SPAG16: variants seen among roughly 807,000 people sequenced by gnomAD.
The protein encoded by SPAG16 is sperm-associated antigen 16 protein.
In SPAG16, 86 loss-of-function variants were observed where a neutral mutation model predicts 80.4. The observed-to-expected ratio is 1.07, with a 90% CI of 0.90 to 1.28. SPAG16 has a LOEUF of 1.28. Among genes scored for constraint, SPAG16 ranks in the 50% most tolerant of loss-of-function variants. The pLI is 0.00. For synonymous variants in SPAG16, 294 were observed against 265.9 expected, an observed-to-expected ratio of 1.11 and a Z score of -1.03; for missense variants, 870 against 765.3, an observed-to-expected ratio of 1.14 and a Z score of -1.61.
intron 12 of SPAG16, among the ~76,000 whole-genome samples, chr2:213,997,612 A>G (rs918570274): frequency 6.6e-6 from 1 of 152,212 alleles, no homozygotes; most frequent in African/African-American, 2.4e-5. Flanking sequence ...TCATTCAAAC[A>G]TTAAAAAATA....
At chr2:213,922,255 G>C (rs1367399966) in intron 11 of SPAG16, among the ~76,000 whole-genome samples, 1 of 146,998 alleles carries the variant, frequency 6.8e-6, no homozygotes, top group African/African-American at 2.5e-5. Context: ...TTGTCTGACT[G>C]AGTTATTTCA....
chr2:213,720,906 C>T (rs1049936258), intron 10 of SPAG16, among the ~76,000 whole-genome samples: 3 of 151,112 alleles, frequency 2.0e-5, no homozygotes, highest in African/African-American at 4.9e-5. Flanking sequence ...CCACCACGCC[C>T]GGCTAATTTT....
chr2:213,943,888 C>G (rs367757284), intron 12 of SPAG16, among the ~76,000 whole-genome samples: 8 of 152,162 alleles, frequency 5.3e-5, no homozygotes, highest in African/African-American at 1.9e-4. Context: ...GACGGAAATA[C>G]ACCACAGAAA....
chr2:214,286,067 A>C (rs1022099197), intron 15 of SPAG16, among the ~76,000 whole-genome samples: 48 of 152,320 alleles, frequency 3.2e-4, no homozygotes, highest in Admixed American at 3.0e-3. Flanking sequence ...AAAGTGAAGT[A>C]AGCCAGACAC....
chr2:213,352,808 G>A (rs1229903947), intron 7 of SPAG16, among the ~76,000 whole-genome samples: 2 of 152,090 alleles, frequency 1.3e-5, no homozygotes, highest in African/African-American at 4.8e-5. Flanking sequence ...TTTATTATCT[G>A]CAACTGGTTT....
At chr2:214,138,860 C>T (rs1323240052) in intron 14 of SPAG16, among the ~76,000 whole-genome samples, 4 of 152,016 alleles carry the variant, frequency 2.6e-5, no homozygotes, top group Non-Finnish European at 5.9e-5. Context: ...ATAATGACTC[C>T]ATCCAGGGAG....
At chr2:214,121,146 A>G (rs1481867022) in intron 14 of SPAG16, among the ~76,000 whole-genome samples, 1 of 151,826 alleles carries the variant, frequency 6.6e-6, no homozygotes, top group Non-Finnish European at 1.5e-5. Context: ...TTCCAATTTC[A>G]TTTTACCCAA....
At chr2:213,476,700 G>A (rs1575691831) in intron 9 of SPAG16, among the ~76,000 whole-genome samples, 2 of 152,172 alleles carry the variant, frequency 1.3e-5, no homozygotes, top group East Asian at 3.8e-4. Flanking sequence ...GCACCCAGTG[G>A]CTTCTTCACT....
chr2:213,733,163 C>T (rs570844447), intron 10 of SPAG16, among the ~76,000 whole-genome samples: 9 of 151,584 alleles, frequency 5.9e-5, no homozygotes, highest in South Asian at 2.1e-4. Context: ...TTATTGGCTG[C>T]GAGTATGTCT....
intron 8 of SPAG16, among the ~76,000 whole-genome samples, chr2:213,368,761 T>C (rs1383932608): frequency 4.6e-5 from 7 of 152,198 alleles, no homozygotes; most frequent in Non-Finnish European, 1.0e-4. Flanking sequence ...AGTATTCTTA[T>C]ACACCAATAA....
intron 10 of SPAG16, among the ~76,000 whole-genome samples, chr2:213,579,551 A>C (rs969447006): frequency 2.6e-5 from 4 of 152,148 alleles, no homozygotes; most frequent in Non-Finnish European, 5.9e-5. Flanking sequence ...TGGCAAAACA[A>C]AATAGGTTGT....
rs151297675 is a variant in SPAG16 at position 214,000,212 on chromosome 2, G to T, written c.1401-13739G>T. ...CATAATTTCTACTTGTTGTGGGTGGGACCCAGTGGGAGATCATTTGAATTA... is the reference window on the plus strand; with the variant it reads ...CATAATTTCTACTTGTTGTGGGTGGTACCCAGTGGGAGATCATTTGAATTA... On this transcript the variant is annotated intron_variant, in intron 12 of 15. Transcript: ENST00000331683. 5.3e-5 allele frequency among the ~76,000 whole-genome samples: 8 copies of T among 152,262 alleles called. No individual in the cohort carries two copies. The East Asian group carries it at 1.6e-3, about 30-fold the overall frequency.
intron 9 of SPAG16, among the ~76,000 whole-genome samples, chr2:213,401,850 C>G (rs1036851822): frequency 1.2e-4 from 18 of 151,916 alleles, no homozygotes; most frequent in Admixed American, 1.0e-3. Flanking sequence ...TTTGTTTTCA[C>G]TATGTATTTT....
chr2:214,157,164 T>C (rs1289301190), intron 15 of SPAG16, among the ~76,000 whole-genome samples: 8 of 152,212 alleles, frequency 5.3e-5, no homozygotes, highest in African/African-American at 1.7e-4. Flanking sequence ...CTATGACTAA[T>C]ACCTGGAATG....
At chr2:213,606,857 C>T (rs988750050) in intron 10 of SPAG16, among the ~76,000 whole-genome samples, 1 of 152,166 alleles carries the variant, frequency 6.6e-6, no homozygotes, top group Non-Finnish European at 1.5e-5. Context: ...TACCATCTCA[C>T]CATCTTGGCA....
chr2:214,233,236 T>A (rs2125806236), intron 15 of SPAG16, among the ~76,000 whole-genome samples: 1 of 152,044 alleles, frequency 6.6e-6, no homozygotes, highest in East Asian at 1.9e-4. Context: ...TTGGCAATAG[T>A]CTCTTTCTTG....
At chr2:213,422,226 C>G (rs1490413788) in intron 9 of SPAG16, 1 of 701,638 alleles carries the variant, frequency 1.4e-6, no homozygotes, top group Non-Finnish European at 2.6e-6. Flanking sequence ...CTCTTTGGGG[C>G]TGTGCAGTTT....
intron 10 of SPAG16, among the ~76,000 whole-genome samples, chr2:213,771,475 T>G (rs537249949): frequency 1.2e-4 from 19 of 152,278 alleles, no homozygotes; most frequent in Admixed American, 2.6e-4. Flanking sequence ...CATTTGTCAA[T>G]TTTTGCTTTT....
intron 15 of SPAG16, among the ~76,000 whole-genome samples, chr2:214,225,820 A>G (rs942806505): frequency 5.3e-5 from 8 of 152,144 alleles, no homozygotes; most frequent in African/African-American, 1.7e-4. Context: ...TAATCATTTA[A>G]ACTGACTGTG....
Sources: allele counts gnomAD v4.1 joint callset (sites outside exome capture counted in the v4.1 genomes callset), GRCh38; gene constraint gnomAD v4.1.1; transcripts MANE v1.5; gene names NCBI Gene and HGNC (gene_info 2026-07-23, HGNC 2026-07-21).